ZNF521: variants seen among roughly 807,000 people sequenced by gnomAD.
ZNF521 encodes zinc finger protein 521.
A neutral mutation model predicts 105.5 loss-of-function variants in ZNF521; 14 were observed. The ratio of observed to expected loss-of-function variants is 0.13; its 90% CI spans 0.09 to 0.21. The LOEUF (loss-of-function observed/expected upper bound fraction) is 0.21, where lower values mean the gene tolerates loss of function less well. ZNF521 is among the 10% of genes least tolerant of loss of function. The pLI, the probability that ZNF521 is intolerant of heterozygous loss-of-function variation, is 1.00. For missense variants in ZNF521, 1,233 were observed against 1,629.7 expected (o/e 0.76, Z 4.19); for synonymous variants, 635 against 606.0 (o/e 1.05, Z -0.70).
intron 5 of ZNF521, among the ~76,000 whole-genome samples, chr18:25,164,557 T>C (rs1600108116): frequency 6.6e-6 from 1 of 152,244 alleles, no homozygotes; most frequent in East Asian, 1.9e-4. Flanking sequence ...TTAAACTGCA[T>C]GCGGGTATAG....
At chr18:25,151,472 C>T (rs1165923674) in intron 5 of ZNF521, among the ~76,000 whole-genome samples, 2 of 151,832 alleles carry the variant, frequency 1.3e-5, no homozygotes, top group African/African-American at 4.8e-5. Context: ...ATCTTTTTAC[C>T]CCCAATGATA....
At chr18:25,195,513 A>C (rs952027645) in intron 4 of ZNF521, among the ~76,000 whole-genome samples, 1 of 151,734 alleles carries the variant, frequency 6.6e-6, no homozygotes, top group Admixed American at 6.6e-5. Context: ...AAACTCAAAA[A>C]CAGAAGGTTT....
chr18:25,174,762 C>T (rs1259610077), intron 5 of ZNF521, among the ~76,000 whole-genome samples: 1 of 152,216 alleles, frequency 6.6e-6, no homozygotes, highest in Admixed American at 6.5e-5. Flanking sequence ...TCTTTCACTG[C>T]TCTGACCCCC....
chr18:25,086,592 A>G (rs1237631857), intron 7 of ZNF521, among the ~76,000 whole-genome samples: 1 of 152,170 alleles, frequency 6.6e-6, no homozygotes, highest in African/African-American at 2.4e-5. Context: ...TGTGTAGTCA[A>G]TATCTCATCT....
intron 3 of ZNF521, among the ~76,000 whole-genome samples, chr18:25,311,868 A>G (rs1912328545): frequency 6.8e-6 from 1 of 147,154 alleles, no homozygotes; most frequent in Admixed American, 6.6e-5. Flanking sequence ...CTTGAATTCT[A>G]TTCATTTCAA....
At chr18:25,180,227 G>T (rs2035608198) in intron 5 of ZNF521, among the ~76,000 whole-genome samples, 1 of 152,092 alleles carries the variant, frequency 6.6e-6, no homozygotes, top group Non-Finnish European at 1.5e-5. Context: ...TCCTTAATAA[G>T]ATAAGTTAAA....
At chr18:25,139,372 C>CAAAAAAAAAAAAAAAAAAAAA (rs36175281) in intron 5 of ZNF521, among the ~76,000 whole-genome samples, 21 of 51,388 alleles carry the variant, frequency 4.1e-4, no homozygotes, top group Non-Finnish European at 6.1e-4. Context: ...GACTCTGTCT[C>CAAAAAAAAAAAAAAAAAAAAA]AAAAAAAAAA....
intron 3 of ZNF521, among the ~76,000 whole-genome samples, chr18:25,253,304 A>G (rs1015894832): frequency 1.4e-4 from 22 of 152,152 alleles, no homozygotes; most frequent in Admixed American, 1.4e-3. Context: ...CCAGACCCTT[A>G]ACCCCTGAAG....
At chr18:25,144,190 C>A (rs1005210217) in intron 5 of ZNF521, among the ~76,000 whole-genome samples, 7 of 152,158 alleles carry the variant, frequency 4.6e-5, no homozygotes, top group Non-Finnish European at 7.3e-5. Context: ...GGCCAAAAGT[C>A]ATTATCATAA....
At chr18:25,139,785 C>T (rs2034812252) in intron 5 of ZNF521, among the ~76,000 whole-genome samples, 1 of 152,162 alleles carries the variant, frequency 6.6e-6, no homozygotes, top group African/African-American at 2.4e-5. Context: ...GTATGTCTCC[C>T]TCCCAACTCA....
chr18:25,085,651 ATATGTGTG>A (rs1211990716), intron 7 of ZNF521, among the ~76,000 whole-genome samples: 1,110 of 105,514 alleles, frequency 0.011, 11 homozygotes, highest in African/African-American at 0.032. Flanking sequence ...CCCCATATAT[ATATGTGTG>A]TGTGTGTGTG....
At chr18:25,107,139 T>A (rs1017443271) in intron 5 of ZNF521, among the ~76,000 whole-genome samples, 1 of 152,252 alleles carries the variant, frequency 6.6e-6, no homozygotes, top group African/African-American at 2.4e-5. Flanking sequence ...TATTAATCCT[T>A]GCCTTCGTCA....
chr18:25,225,095 G>C lies in ZNF521; in HGVS notation c.2823C>G (p.Ser941=). ...KCNVCSRTFF[S]ENGLREHMQT... is the part of the protein sequence containing the mutation. ...GCATATGTTCCCGGAGGCCATTTTC[G>C]GAGAAGAAGGTTCGAGAGCACACGT... The change falls in exon 4 of 8, where the codon TCC becomes TCG. Residue 941 remains serine (S), a synonymous_variant. Transcript: ENST00000361524. The surrounding 1 kb of genome is among the most constrained non-coding windows in gnomAD (Gnocchi z 5.6). 6.2e-7 allele frequency: 1 copy of C among 1,614,118 alleles called. No homozygotes were observed. The highest frequency in any genetic ancestry group is 1.1e-5 in the South Asian group (1 of 91,076).
chr18:25,207,960 G>C (rs2036112072), intron 4 of ZNF521, among the ~76,000 whole-genome samples: 1 of 152,150 alleles, frequency 6.6e-6, no homozygotes, highest in Non-Finnish European at 1.5e-5. Context: ...TTCTACCACA[G>C]TATATAATAT....
intron 3 of ZNF521, among the ~76,000 whole-genome samples, chr18:25,251,784 G>C (rs1908138453): frequency 1.3e-5 from 2 of 152,128 alleles, no homozygotes; most frequent in Non-Finnish European, 2.9e-5. Context: ...TTTTGATTTT[G>C]AACCTTTCCT....
intron 5 of ZNF521, among the ~76,000 whole-genome samples, chr18:25,122,655 T>A (rs1423545996): frequency 6.6e-6 from 1 of 152,210 alleles, no homozygotes; most frequent in Non-Finnish European, 1.5e-5. Flanking sequence ...GTTGATCTAT[T>A]ACTGATGAAG....
At chr18:25,143,314 G>GT (rs1375799640) in intron 5 of ZNF521, among the ~76,000 whole-genome samples, 3 of 152,144 alleles carry the variant, frequency 2.0e-5, no homozygotes, top group African/African-American at 7.2e-5. Flanking sequence ...TGTCAAGCTG[G>GT]TAAGAGACGG....
At chr18:25,079,753 G>A (rs1350727629) in intron 7 of ZNF521, among the ~76,000 whole-genome samples, 1 of 152,132 alleles carries the variant, frequency 6.6e-6, no homozygotes, top group African/African-American at 2.4e-5. Flanking sequence ...CACCAGTACT[G>A]TCATGAATTA....
At chr18:25,250,910 T>C (rs1023551116) in intron 3 of ZNF521, among the ~76,000 whole-genome samples, 8 of 152,186 alleles carry the variant, frequency 5.3e-5, no homozygotes, top group African/African-American at 1.9e-4. Context: ...TTAAGAAAAA[T>C]ATATTCAAAG....
Sources: allele counts gnomAD v4.1 joint callset (sites outside exome capture counted in the v4.1 genomes callset), GRCh38; gene constraint gnomAD v4.1.1; non-coding constraint Gnocchi (gnomAD v3.1); transcripts MANE v1.5; gene names NCBI Gene and HGNC (gene_info 2026-07-23, HGNC 2026-07-21).